ZNF287: variants seen among roughly 807,000 people sequenced by gnomAD.
ZNF287 encodes zinc finger protein 287, also known as zinc finger protein with KRAB and SCAN domains 13.
ZNF287 carries 31 observed loss-of-function variants against 73.7 expected under a neutral mutation model. The ratio of observed to expected loss-of-function variants is 0.42; its 90% CI spans 0.32 to 0.57. The LOEUF is 0.57. Among genes scored for constraint, ZNF287 ranks in the 20% least tolerant of loss-of-function variants. The pLI is 0.13. For missense variants in ZNF287, 641 were observed against 909.3 expected (o/e 0.70, Z 3.79); for synonymous variants, 301 against 307.2 (o/e 0.98, Z 0.21).
intron 5 of ZNF287, among the ~76,000 whole-genome samples, chr17:16,561,894 T>C (rs1907470952): frequency 6.6e-6 from 1 of 152,204 alleles, no homozygotes; most frequent in Non-Finnish European, 1.5e-5. Context: ...TGACTATACA[T>C]TTGATGACAC....
intron 5 of ZNF287, among the ~76,000 whole-genome samples, chr17:16,560,308 G>GTA (rs1491315982): frequency 1.3e-3 from 173 of 137,348 alleles, no homozygotes; most frequent in South Asian, 3.6e-3. Flanking sequence ...GTCAACAGTG[G>GTA]TGTATATATA....
chr17:16,559,803 C>G (rs1907306559), intron 5 of ZNF287, among the ~76,000 whole-genome samples: 1 of 152,176 alleles, frequency 6.6e-6, no homozygotes, highest in Non-Finnish European at 1.5e-5. Context: ...TGGTTGAAGA[C>G]AAATTGGGAC....
chr17:16,560,767 G>C (rs1438569414), intron 5 of ZNF287, among the ~76,000 whole-genome samples: 2 of 151,534 alleles, frequency 1.3e-5, no homozygotes, highest in African/African-American at 4.8e-5. Context: ...ACTTTGGGAG[G>C]CCGAGGCGGG....
Position 16,567,728 on chromosome 17 carries a change from A to T in ZNF287, c.4T>A (p.Leu2Ile). The T allele has an allele frequency of 6.2e-7, 1 of 1,607,284 alleles. No homozygotes were observed. The highest frequency in any genetic ancestry group is 2.2e-5 in the East Asian group (1 of 44,790). ...CTGTTCATCCTCTTGCTTGAGGCTA[A>T]CATTGCTACAGACAGGAGAGTCAAT... Reference protein sequence around the residue: MLASSKRMNSSS... With the variant: MIASSKRMNSSS... The change falls in exon 2 of 6, where the codon TTA (leucine) becomes ATA (isoleucine). Residue 2 changes from leucine to isoleucine, a missense_variant. Coordinates refer to ENST00000395825, the MANE Select transcript of ZNF287 (RefSeq NM_020653.4).
chr17:16,548,887 A>T lies in ZNF287; in HGVS notation c.*2969T>A, dbSNP rs1906455799. Among the ~76,000 whole-genome samples, 1 of 152,246 alleles carries T rather than the reference A, an allele frequency of 6.6e-6. No individual in the cohort carries two copies. The highest frequency in any genetic ancestry group is 1.5e-5 in the Non-Finnish European group (1 of 68,050). On this transcript the variant is annotated 3_prime_UTR_variant, in exon 6 of 6. Coordinates refer to ENST00000395825, the MANE Select transcript of ZNF287 (RefSeq NM_020653.4). ...ATGTGTGAAAACTGACTGGATCAAC[A>T]GAGGAAATTTAAACACAGACTAAGT...
chr17:16,565,584 T>C (rs978411390), intron 3 of ZNF287, among the ~76,000 whole-genome samples: 1 of 152,194 alleles, frequency 6.6e-6, no homozygotes, highest in African/African-American at 2.4e-5. Context: ...TATCAATGAA[T>C]AATCATTTTA....
Position 16,569,156 on chromosome 17 carries a change from C to T in ZNF287, c.-403G>A, listed in dbSNP as rs771818023. The T allele has an allele frequency of 3.3e-5, 5 of 152,456 alleles. No homozygotes were observed. The highest frequency in any genetic ancestry group is 9.6e-5 in the African/African-American group (4 of 41,480). The allele number at this position is 152,456 out of a possible 1,614,324, so 9.4% of individuals were successfully genotyped here. On this transcript the variant is annotated 5_prime_UTR_variant, in exon 1 of 6. Transcript: ENST00000395825. ...CAGCCCGGTCCTGAGAAGCCCGGCC[C>T]AGAAACCCCGGCGCCTCTGCTTAGC...
In ZNF287 at chr17:16,550,278, G is replaced by T. The variant is rs1160905984; in HGVS notation, c.*1578C>A. Among the ~76,000 whole-genome samples the T allele has an allele frequency of 1.3e-5, 2 of 152,038 alleles. No homozygotes were observed. Among genetic ancestry groups the T allele is most frequent in the African/African-American group, 4.8e-5 (2 of 41,390 alleles). On this transcript the variant is annotated 3_prime_UTR_variant, in exon 6 of 6. Coordinates refer to ENST00000395825, the MANE Select transcript of ZNF287 (RefSeq NM_020653.4). The stretch of plus-strand genomic sequence containing the variant: ...ACTTGTATGTATGAAGGAGTGTCAG[G>T]CTTCCAATTATTCTTTAAAAATCGG...
chr17:16,563,200 T>C lies in ZNF287; in HGVS notation c.661A>G (p.Ile221Val), dbSNP rs1177649805. Residue 221 changes from isoleucine to valine, a missense_variant, in exon 5 of 6, where the codon ATA (isoleucine) becomes GTA (valine). By Grantham distance (29) the Ile-to-Val change is conservative. This residue lies in a region of ZNF287 where 357 missense variants were observed against 442.4 expected (regional missense o/e 0.81). Coordinates refer to ENST00000395825, the MANE Select transcript of ZNF287 (RefSeq NM_020653.4). ...ATCACCATCCATGGTTCTTCCAATA[T>C]GGGAATCACAGTTGGTCTGTACACT... ...LTVYRPTVIP[I>V]LEEPWMVIKE... 6.2e-7 allele frequency: 1 copy of C among 1,613,670 alleles called. No individual in the cohort carries two copies. Among genetic ancestry groups the C allele is most frequent in the African/African-American group, 1.3e-5 (1 of 74,922 alleles).
Position 16,551,779 on chromosome 17 carries a change from G to C in ZNF287, c.*77C>G. ...TATTGCACTTCTTCAGACTTCTTCT[G>C]AATGTTCTGACACATAGAATGCACA... On this transcript the variant is annotated 3_prime_UTR_variant, in exon 6 of 6. Coordinates refer to ENST00000395825, the MANE Select transcript of ZNF287 (RefSeq NM_020653.4). 6.8e-7 allele frequency: 1 copy of C among 1,474,924 alleles called. No individual in the cohort carries two copies. 91.4% of individuals were successfully genotyped at this position (1,474,924 alleles called of 1,614,324 possible).
At chr17:16,560,322 A>G (rs1907348978) in intron 5 of ZNF287, among the ~76,000 whole-genome samples, 1 of 142,906 alleles carries the variant, frequency 7.0e-6, no homozygotes, top group Admixed American at 7.2e-5. Context: ...ATATATATAT[A>G]TATATATATA....
rs368823633 is a variant in ZNF287, at chr17:16,567,564, T to G, written c.168A>C (p.Pro56=). 2 of 1,614,228 alleles carry G rather than the reference T, an allele frequency of 1.2e-6. No individual in the cohort carries two copies. Among genetic ancestry groups the G allele is most frequent in the South Asian group, 2.2e-5 (2 of 91,086 alleles). The change falls in exon 2 of 6, where the codon CCA becomes CCC. Residue 56 remains proline (P), a synonymous_variant. Transcript: ENST00000395825. ...TTCGAGGACCAGCCAGGTCTGGGTA[T>G]GGAAAATTCCTAAAATTCTGTCGAC... ...ETCRQNFRNF[P]YPDLAGPRKA...
At chr17:16,557,356 T>G (rs1470340335) in intron 5 of ZNF287, among the ~76,000 whole-genome samples, 1 of 152,080 alleles carries the variant, frequency 6.6e-6, no homozygotes, top group Non-Finnish European at 1.5e-5. Context: ...GTGGAGGAAG[T>G]GTGATTTGAA....
At chr17:16,562,214 A>ATT (rs773042656) in intron 5 of ZNF287, among the ~76,000 whole-genome samples, 3,972 of 152,294 alleles carry the variant, frequency 0.026, 86 homozygotes, top group Non-Finnish European at 0.033. Context: ...ATAAGGAACA[A>ATT]GTTCAATAAT....
At chr17:16,560,189 C>T (rs945509048) in intron 5 of ZNF287, among the ~76,000 whole-genome samples, 5 of 150,688 alleles carry the variant, frequency 3.3e-5, no homozygotes, top group South Asian at 2.1e-4. Context: ...CTCAAACTCC[C>T]GACCTCAAGT....
rs757301153 is a variant in ZNF287 at position 16,553,394 on chromosome 17, C to G, written c.748G>C (p.Val250Leu). The G allele has an allele frequency of 6.3e-7, 1 of 1,583,690 alleles. No homozygotes were observed. The change falls in exon 6 of 6, where the codon GTG (valine) becomes CTG (leucine). Residue 250 changes from valine (V) to leucine (L), a missense_variant. Around this residue, in one of 2 missense-constraint regions of ZNF287, gnomAD observed 357 missense variants for 442.4 expected, o/e 0.81. Transcript: ENST00000395825. ...WETKAQACTPVEDMSKLTKEE... is the reference protein window; with the variant it reads ...WETKAQACTPLEDMSKLTKEE... ...TTTGTGAGTTTAGACATATCCTCCACTGGAGTACATGCTTGGGCTTTAGTT... is the reference window on the plus strand; with the variant it reads ...TTTGTGAGTTTAGACATATCCTCCAGTGGAGTACATGCTTGGGCTTTAGTT...
rs529582062 is a variant in ZNF287, at chr17:16,549,578, T to G, written c.*2278A>C. Among the ~76,000 whole-genome samples the G allele has an allele frequency of 2.0e-5, 3 of 152,310 alleles. No homozygotes were observed. In the East Asian group the frequency reaches 5.8e-4, roughly 29 times the overall value. ...ATGATACTATGAAATCAAGGTTAACTAATGTAAGGGAAATGGAAATCAAGT... is the reference window on the plus strand; with the variant it reads ...ATGATACTATGAAATCAAGGTTAACGAATGTAAGGGAAATGGAAATCAAGT... On this transcript the variant is annotated 3_prime_UTR_variant, in exon 6 of 6. Coordinates refer to ENST00000395825, the MANE Select transcript of ZNF287 (RefSeq NM_020653.4).
At chr17:16,560,214 G>A (rs944580846) in intron 5 of ZNF287, among the ~76,000 whole-genome samples, 1 of 151,510 alleles carries the variant, frequency 6.6e-6, no homozygotes, top group African/African-American at 2.4e-5. Flanking sequence ...CACCTACCTT[G>A]GCCTCCTAAA....
At position 16,552,020 on chromosome 17, in the gene ZNF287, C is replaced by T. The variant is rs1308320461; in HGVS notation, c.2122G>A (p.Glu708Lys). Residue 708 changes from glutamate (E) to lysine (K), a missense_variant, in exon 6 of 6, where the codon GAA (glutamate) becomes AAA (lysine). By Grantham distance (56) the Glu-to-Lys change is moderately conservative. Coordinates refer to ENST00000395825, the MANE Select transcript of ZNF287 (RefSeq NM_020653.4). The surrounding 1 kb of genome is among the most constrained non-coding windows in gnomAD (Gnocchi z 6.5). The stretch of plus-strand genomic sequence containing the variant: ...CTCTGGCTAAAATCCTTATCACATT[C>T]ATTACATTTATAGGGTCTCTCTCCA... ...HTGERPYKCN[E>K]CDKDFSQRTC... 1 of 1,614,060 alleles carries T rather than the reference C, an allele frequency of 6.2e-7. No homozygotes were observed. The highest frequency in any genetic ancestry group is 1.7e-5 in the Admixed American group (1 of 60,014).
Sources: allele counts gnomAD v4.1 joint callset (sites outside exome capture counted in the v4.1 genomes callset), GRCh38; gene constraint gnomAD v4.1.1; regional missense constraint gnomAD v4.1.1; non-coding constraint Gnocchi (gnomAD v3.1); transcripts MANE v1.5; gene names NCBI Gene and HGNC (gene_info 2026-07-23, HGNC 2026-07-21).